ARID1B: variants seen among roughly 807,000 people sequenced by gnomAD.
ARID1B encodes AT-rich interactive domain-containing protein 1B.
In ARID1B, 30 loss-of-function variants were observed where a neutral mutation model predicts 212.3. The ratio of observed to expected loss-of-function variants is 0.14; its 90% confidence interval spans 0.11 to 0.19. The LOEUF is 0.19. ARID1B is among the 10% of genes least tolerant of loss of function. The probability of loss-of-function intolerance (pLI) is 1.00; values close to 1 mark genes in which losing one functional copy is unlikely to be tolerated. For synonymous variants in ARID1B, 1,402 were observed against 1,301.7 expected (o/e 1.08, Z -1.66); for missense variants, 2,891 against 3,204.0 (o/e 0.90, Z 2.36).
At chr6:157,017,972 A>AAAAG (rs1780006092) in intron 4 of ARID1B, among the ~76,000 whole-genome samples, 1 of 150,850 alleles carries the variant, frequency 6.6e-6, no homozygotes, top group Non-Finnish European at 1.5e-5. Flanking sequence ...ACAAAAAAAA[A>AAAAG]AAAAAAAAAA....
chr6:157,179,211 C>A (rs919181869), intron 11 of ARID1B, among the ~76,000 whole-genome samples: 2 of 151,956 alleles, frequency 1.3e-5, no homozygotes, highest in African/African-American at 4.8e-5. Flanking sequence ...AATTTAGAAA[C>A]CTCCTAATAA....
chr6:157,061,263 A>G (rs534909685), intron 4 of ARID1B, among the ~76,000 whole-genome samples: 3 of 152,366 alleles, frequency 2.0e-5, no homozygotes, highest in South Asian at 2.1e-4. Context: ...AGCTGTTTGC[A>G]TAATGGCAAT....
intron 4 of ARID1B, among the ~76,000 whole-genome samples, chr6:157,069,553 T>C (rs1783885410): frequency 6.6e-6 from 1 of 152,220 alleles, no homozygotes; most frequent in African/African-American, 2.4e-5. Flanking sequence ...AAGTGAGGCC[T>C]CTCTCAGTTT....
At chr6:156,945,145 C>T (rs4870498) in intron 4 of ARID1B, among the ~76,000 whole-genome samples, 8,571 of 143,588 alleles carry the variant, frequency 0.06, 367 homozygotes, top group Admixed American at 0.1. Flanking sequence ...CCATGTTAGC[C>T]AGGATGGTCT....
chr6:157,140,097 G>A (rs934843693), intron 7 of ARID1B, among the ~76,000 whole-genome samples: 5 of 152,064 alleles, frequency 3.3e-5, no homozygotes, highest in East Asian at 3.8e-4. Context: ...GTATCTGTGC[G>A]TGATGAAAGT....
chr6:157,136,530 C>G (rs1011943963), intron 7 of ARID1B, among the ~76,000 whole-genome samples: 23 of 152,102 alleles, frequency 1.5e-4, no homozygotes, highest in African/African-American at 5.6e-4. Context: ...AAATAACTTG[C>G]CTTTAAGGAG....
intron 3 of ARID1B, among the ~76,000 whole-genome samples, chr6:156,906,164 A>G (rs1789357527): frequency 6.6e-6 from 1 of 152,108 alleles, no homozygotes; most frequent in African/African-American, 2.4e-5. Context: ...GTGGTCCTCA[A>G]CTGGCTGCTC....
intron 1 of ARID1B, among the ~76,000 whole-genome samples, chr6:156,818,098 A>AT (rs71027317): frequency 0.24 from 14,824 of 61,218 alleles, 3,311 homozygotes; most frequent in African/African-American, 0.33. Context: ...TAGTTGCCCT[A>AT]TTTTTTTTTT....
rs1402605903 is a variant in ARID1B, at chr6:156,875,912, C to T, written c.1987-25464C>T. ...TTCTTTGAATAACATGTTTATATAA[C>T]GTGCTAAATACTTCTGTTAAAGAAC... On this transcript the variant is annotated intron_variant, in intron 2 of 19. Coordinates refer to ENST00000636930, the MANE Select transcript of ARID1B (RefSeq NM_001374828.1). Among the ~76,000 whole-genome samples the T allele has an allele frequency of 4.6e-5, 7 of 152,274 alleles. No homozygotes were observed. In the South Asian group the frequency reaches 6.2e-4, roughly 14 times the overall value.
intron 2 of ARID1B, among the ~76,000 whole-genome samples, chr6:156,881,421 C>T (rs1787079312): frequency 2.0e-5 from 3 of 152,178 alleles, no homozygotes; most frequent in Non-Finnish European, 4.4e-5. Context: ...CCTGCTTATA[C>T]TGTTTTAAAA....
At chr6:157,030,883 G>A (rs1780978004) in intron 4 of ARID1B, among the ~76,000 whole-genome samples, 1 of 152,168 alleles carries the variant, frequency 6.6e-6, no homozygotes, top group Middle Eastern at 3.2e-3. Flanking sequence ...TCAGAGGACG[G>A]CCGCTGTACT....
At chr6:157,181,854 C>G (rs1333602936) in intron 12 of ARID1B, among the ~76,000 whole-genome samples, 1 of 152,180 alleles carries the variant, frequency 6.6e-6, no homozygotes, top group Non-Finnish European at 1.5e-5. Context: ...CACGCCCTGT[C>G]ATAGGAACAG....
chr6:156,839,820 G>A (rs1783768631), intron 2 of ARID1B, among the ~76,000 whole-genome samples: 1 of 152,200 alleles, frequency 6.6e-6, no homozygotes, highest in Non-Finnish European at 1.5e-5. Context: ...CTCTGACCAG[G>A]AAATCACCAC....
intron 4 of ARID1B, among the ~76,000 whole-genome samples, chr6:157,050,390 A>G (rs1782520368): frequency 6.6e-6 from 1 of 152,112 alleles, no homozygotes; most frequent in African/African-American, 2.4e-5. Flanking sequence ...CTAAAAATAC[A>G]AAAATTAGCC....
intron 1 of ARID1B, among the ~76,000 whole-genome samples, chr6:156,792,176 A>C (rs571721833): frequency 1.2e-4 from 19 of 152,202 alleles, no homozygotes; most frequent in Non-Finnish European, 2.1e-4. Flanking sequence ...CTCTAAACCT[A>C]CATTTCTTTA....
At chr6:156,928,262 G>T (rs140471660) in intron 3 of ARID1B, among the ~76,000 whole-genome samples, 2 of 152,316 alleles carry the variant, frequency 1.3e-5, no homozygotes, top group Non-Finnish European at 2.9e-5. Context: ...TGTATTTGAG[G>T]AAGTCAGCAG....
At chr6:157,181,768 C>T (rs142292252) in intron 12 of ARID1B, among the ~76,000 whole-genome samples, 2,036 of 152,270 alleles carry the variant, frequency 0.013, 50 homozygotes, top group African/African-American at 0.046. Context: ...TGAGTGCGTC[C>T]TGAAGTCTCA....
rs995724878 is a variant in ARID1B, at chr6:156,896,636, T to C, written c.1987-4740T>C. Among the ~76,000 whole-genome samples the C allele has an allele frequency of 6.6e-4, 95 of 143,132 alleles. 1 individual carries two copies. Among genetic ancestry groups the C allele is most frequent in the African/African-American group, 2.5e-3 (93 of 37,832 alleles). 93.9% of individuals were successfully genotyped at this position (143,132 alleles called of 152,430 possible). On this transcript the variant is annotated intron_variant, in intron 2 of 19. Coordinates refer to ENST00000636930, the MANE Select transcript of ARID1B (RefSeq NM_001374828.1). ...TGGCTCACGCCTGTAATCTCAGCACTCTGGGAGGCCAAGGCAGGTGGATCA... is the reference window on the plus strand; with the variant it reads ...TGGCTCACGCCTGTAATCTCAGCACCCTGGGAGGCCAAGGCAGGTGGATCA...
intron 5 of ARID1B, among the ~76,000 whole-genome samples, chr6:157,101,194 A>C (rs1786029841): frequency 6.6e-6 from 1 of 152,236 alleles, no homozygotes; most frequent in African/African-American, 2.4e-5. Context: ...TTAATTTCTC[A>C]CTAAAGTTAA....
Sources: gnomAD v4.1 joint callset for allele counts (sites outside exome capture counted in the v4.1 genomes callset) on GRCh38, gnomAD v4.1.1 for gene constraint, MANE v1.5 for transcripts, NCBI Gene and HGNC (gene_info 2026-07-23, HGNC 2026-07-21) for gene names.